DHRSX: variants seen among roughly 807,000 people sequenced by gnomAD.
DHRSX encodes the protein polyprenol dehydrogenase.
DHRSX carries 31 observed loss-of-function variants against 34.0 expected under a neutral mutation model. The observed-to-expected ratio is 0.91, with a 90% CI of 0.69 to 1.23. DHRSX has a LOEUF of 1.23. Among genes scored for constraint, DHRSX ranks in the 50% most tolerant of loss-of-function variants. DHRSX has a pLI of 0.00. For synonymous variants in DHRSX, 201 were observed against 183.8 expected, an observed-to-expected ratio of 1.09 and a Z score of -0.76; for missense variants, 414 against 428.1, an observed-to-expected ratio of 0.97 and a Z score of 0.29.
chrX:2,371,232 CCCCATTACCATAGTCCCTCCT>C (rs1310166831), intron 3 of DHRSX, among the ~76,000 whole-genome samples: 2 of 74,378 alleles, frequency 2.7e-5, no homozygotes, highest in Non-Finnish European at 1.1e-4. Context: ...CGTAGTCCCT[CCCCATTACCATAGTCCCTCCT>C]CCATTACCAT....
intron 3 of DHRSX, among the ~76,000 whole-genome samples, chrX:2,407,026 C>G (rs1194539318): frequency 1.3e-5 from 2 of 152,052 alleles, no homozygotes; most frequent in Non-Finnish European, 2.9e-5. Context: ...AGGTGTCCAA[C>G]AACACACGAA....
Position 2,491,736 on chromosome X carries a change from C to T in DHRSX, c.109+9081G>A, listed in dbSNP as rs764870428. 1.1e-4 allele frequency among the ~76,000 whole-genome samples: 17 copies of T among 152,276 alleles called. No individual in the cohort carries two copies. The East Asian group carries it at 3.1e-3, about 28-fold the overall frequency. ...CTGAAGAAGCATGGATTTCTCAATCCCTGGAACTTCTCAAAATGCCCATTG... is the reference window on the plus strand; with the variant it reads ...CTGAAGAAGCATGGATTTCTCAATCTCTGGAACTTCTCAAAATGCCCATTG... On this transcript the variant is annotated intron_variant, in intron 1 of 6. Transcript: ENST00000334651.
intron 6 of DHRSX, among the ~76,000 whole-genome samples, chrX:2,229,372 A>G (rs1271578863): frequency 6.6e-6 from 1 of 151,996 alleles, no homozygotes. Context: ...TACAAAGGCA[A>G]CACTTCCTCT....
chrX:2,351,856 A>G (rs2042792416), intron 3 of DHRSX, among the ~76,000 whole-genome samples: 1 of 152,146 alleles, frequency 6.6e-6, no homozygotes, highest in Non-Finnish European at 1.5e-5. Flanking sequence ...AGTAGCTGGA[A>G]TTACAGATGC....
chrX:2,284,375 T>C (rs922680507), intron 4 of DHRSX, among the ~76,000 whole-genome samples: 34 of 150,848 alleles, frequency 2.3e-4, no homozygotes, highest in African/African-American at 7.3e-4. Context: ...CATTCACTCA[T>C]TTGAATTCAT....
chrX:2,270,591 T>TGG (rs1246248832), intron 4 of DHRSX, among the ~76,000 whole-genome samples: 1 of 152,142 alleles, frequency 6.6e-6, no homozygotes, highest in African/African-American at 2.4e-5. Flanking sequence ...CTGGCCCCAG[T>TGG]GGAGGCTTGA....
Position 2,239,405 on chromosome X carries a change from C to CAA in DHRSX, c.804+3616_804+3617dup, listed in dbSNP as rs35401659. On this transcript the variant is annotated intron_variant, in intron 6 of 6. Coordinates refer to ENST00000334651, the MANE Select transcript of DHRSX (RefSeq NM_145177.3). ...GGCGAACAGCAAGATGCCGTTTCTA[C>CAA]AAAAAAAAAAAAAAATGCACAGCAG... Among the ~76,000 whole-genome samples the CAA allele has an allele frequency of 8.9e-3, 1,102 of 124,016 alleles. 10 individuals are homozygous for CAA. Among genetic ancestry groups the CAA allele is most frequent in the Non-Finnish European group, 0.01 (625 of 59,906 alleles). 81.4% of individuals were successfully genotyped at this position (124,016 alleles called of 152,430 possible).
intron 2 of DHRSX, among the ~76,000 whole-genome samples, chrX:2,410,144 G>A (rs774100141): frequency 9.2e-5 from 14 of 152,278 alleles, no homozygotes; most frequent in Admixed American, 6.5e-4. Flanking sequence ...ATTTTAAGGT[G>A]TTTCTGAAGG....
At chrX:2,340,914 G>A (rs1433498638) in intron 3 of DHRSX, among the ~76,000 whole-genome samples, 2 of 152,060 alleles carry the variant, frequency 1.3e-5, no homozygotes, top group Non-Finnish European at 2.9e-5. Flanking sequence ...AGAAGAAAGA[G>A]GAGACGCAAG....
intron 3 of DHRSX, among the ~76,000 whole-genome samples, chrX:2,395,494 C>T (rs1438705579): frequency 7.2e-5 from 11 of 152,154 alleles, no homozygotes; most frequent in African/African-American, 1.4e-4. Context: ...AGAGGCCGCA[C>T]GCAGAATTTC....
At chrX:2,282,660 G>C (rs2041728074) in intron 4 of DHRSX, among the ~76,000 whole-genome samples, 1 of 142,906 alleles carries the variant, frequency 7.0e-6, no homozygotes, top group Admixed American at 7.0e-5. Context: ...GGGAGAGAGA[G>C]AATGGGAGAA....
At chrX:2,444,096 C>T (rs1040056089) in intron 1 of DHRSX, among the ~76,000 whole-genome samples, 6 of 151,892 alleles carry the variant, frequency 4.0e-5, no homozygotes, top group African/African-American at 1.5e-4. Flanking sequence ...AATAACCTAC[C>T]ATCACCGTTT....
intron 3 of DHRSX, among the ~76,000 whole-genome samples, chrX:2,372,529 C>G (rs2043085094): frequency 6.6e-6 from 1 of 152,030 alleles, no homozygotes; most frequent in Non-Finnish European, 1.5e-5. Flanking sequence ...CAGCGAAGCC[C>G]CAGAGACCCC....
At chrX:2,334,215 G>A (rs1226724842) in intron 3 of DHRSX, 1 of 127,618 alleles carries the variant, frequency 7.8e-6, no homozygotes, top group Non-Finnish European at 1.6e-5. Flanking sequence ...CCAGGCTGGA[G>A]TGCAATGGCA....
chrX:2,496,206 T>C (rs2045281332), intron 1 of DHRSX, among the ~76,000 whole-genome samples: 3 of 152,142 alleles, frequency 2.0e-5, no homozygotes, highest in African/African-American at 7.2e-5. Flanking sequence ...TTTTGTTTTT[T>C]TGGTTTTTTT....
At chrX:2,232,553 G>C (rs1348342814) in intron 6 of DHRSX, among the ~76,000 whole-genome samples, 1 of 151,926 alleles carries the variant, frequency 6.6e-6, no homozygotes, top group Non-Finnish European at 1.5e-5. Flanking sequence ...GTGGATCTTA[G>C]GAGGCCCAAG....
chrX:2,267,326 C>T (rs968471297), intron 4 of DHRSX, among the ~76,000 whole-genome samples: 2 of 152,114 alleles, frequency 1.3e-5, no homozygotes, highest in Non-Finnish European at 2.9e-5. Context: ...GGTGGATCAT[C>T]TGAGGTCAGG....
intron 1 of DHRSX, among the ~76,000 whole-genome samples, chrX:2,438,193 A>C (rs1385260608): frequency 6.6e-6 from 1 of 150,624 alleles, no homozygotes; most frequent in Non-Finnish European, 1.5e-5. Flanking sequence ...AAAAAAAAAA[A>C]ACCTGAATGG....
At chrX:2,312,231 G>C (rs1374396511) in intron 3 of DHRSX, among the ~76,000 whole-genome samples, 2 of 152,110 alleles carry the variant, frequency 1.3e-5, no homozygotes, top group Non-Finnish European at 2.9e-5. Flanking sequence ...GGAAACTCCA[G>C]GCACTTCGCT....
Sources: gnomAD v4.1 joint callset for allele counts (sites outside exome capture counted in the v4.1 genomes callset) on GRCh38, gnomAD v4.1.1 for gene constraint, MANE v1.5 for transcripts, NCBI Gene and HGNC (gene_info 2026-07-23, HGNC 2026-07-21) for gene names.